The following MUC5B variants were observed in gnomAD, a reference collection of about 807,000 sequenced individuals.
MUC5B encodes the protein mucin-5B.
Under a neutral mutation model 376.9 loss-of-function variants are expected in MUC5B, and 116 were observed. The ratio of observed to expected loss-of-function variants is 0.31; its 90% confidence interval spans 0.26 to 0.36. MUC5B has a LOEUF of 0.36. Ranked by LOEUF, MUC5B falls within the 10% of genes least tolerant of loss-of-function variation. The pLI is 1.00. For synonymous variants in MUC5B, 3,517 were observed against 3,390.9 expected, an observed-to-expected ratio of 1.04 and a Z score of -1.29; for missense variants, 7,165 against 7,769.9, an observed-to-expected ratio of 0.92 and a Z score of 2.93.
intron 19 of MUC5B, 99 bp downstream of exon 19, chr11:1,233,947 C>T (rs1862098599): frequency 1.6e-6 from 2 of 1,271,530 alleles, no homozygotes; most frequent in South Asian, 1.3e-5. Context: ...CCACCTGAAC[C>T]CTGCCGGGCC....
At position 1,244,264 on chromosome 11, in the gene MUC5B, A is replaced by C; in HGVS notation, c.7384A>C (p.Thr2462Pro). The C allele has an allele frequency of 5.0e-6, 8 of 1,606,712 alleles. No individual in the cohort carries two copies. The highest frequency in any genetic ancestry group is 2.7e-5 in the African/African-American group (2 of 73,552). The change falls in exon 31 of 49, where the codon ACC (threonine) becomes CCC (proline). Residue 2462 changes from threonine (T) to proline (P), a missense_variant. Physicochemically the swap from Thr to Pro is conservative, Grantham distance 38. Transcript: ENST00000529681. Reference sequence around the variant, plus strand: ...CACCCCGTCCTCCACCCCAGGGACCACCTGGATCCTCACAGAGCCGAGCAC... The same window carrying C: ...CACCCCGTCCTCCACCCCAGGGACCCCCTGGATCCTCACAGAGCCGAGCAC... The part of the protein sequence containing the change: ...TATPSSTPGT[T>P]WILTEPSTTA...
At position 1,240,351 on chromosome 11, in the gene MUC5B, G is replaced by A. The variant is rs1427095732; in HGVS notation, c.3946G>A (p.Ala1316Thr). 12 of 1,603,864 alleles carry A rather than the reference G, an allele frequency of 7.5e-6. No individual in the cohort carries two copies. Among genetic ancestry groups the A allele is most frequent in the East Asian group, 2.2e-5 (1 of 44,644 alleles). The change falls in exon 30 of 49, where the codon GCC becomes ACC. Residue 1316 changes from alanine (A) to threonine (T), a missense_variant. By Grantham distance (58) the Ala-to-Thr change is moderately conservative. Coordinates refer to ENST00000529681, the MANE Select transcript of MUC5B (RefSeq NM_002458.3). Reference sequence around the variant, plus strand: ...CACAACGCCATTCACCTTCACCACCGCCTGGGTCCCCCACTCCACGACAAG... The same window carrying A: ...CACAACGCCATTCACCTTCACCACCACCTGGGTCCCCCACTCCACGACAAG... ...PATTPFTFTT[A>T]WVPHSTTSPA...
At chr11:1,233,321 C>T in intron 18 of MUC5B, 53 bp downstream of exon 18, 1 of 1,457,028 alleles carries the variant, frequency 6.9e-7, no homozygotes, top group Non-Finnish European at 9.0e-7. Flanking sequence ...GAGCCACTTC[C>T]CGCCCTCCCC....
rs1307335173 is a variant in MUC5B at position 1,255,174 on chromosome 11, AC to A, written c.15804del (p.Thr5269LeufsTer25). The A allele has an allele frequency of 3.2e-6, 5 of 1,554,218 alleles. No individual in the cohort carries two copies. Among genetic ancestry groups the A allele is most frequent in the Non-Finnish European group, 3.5e-6 (4 of 1,149,680 alleles). The part of the protein sequence containing the change: ...KDGCWAPTGT[P>X]PTASPAAPVS... Reference sequence around the variant, plus strand: ...ATGGCTGCTGGGCCCCGACTGGCACACCCCCCACTGCCAGCCCCGCAGCCCC... The same window carrying A: ...ATGGCTGCTGGGCCCCGACTGGCACACCCCCACTGCCAGCCCCGCAGCCCC... On this transcript the variant is annotated frameshift_variant, in exon 36 of 49. Transcript: ENST00000529681. LOFTEE classifies it high-confidence loss of function.
Position 1,261,691 on chromosome 11 carries a change from C to T in MUC5B, c.*83C>T. On this transcript the variant is annotated 3_prime_UTR_variant, in exon 49 of 49. Transcript: ENST00000529681. ...TGATCATGAAAACCTTGGGCCTCCT[C>T]TGCGGAGCCCCCCGGCCTGTGTGTG... 7.4e-7 allele frequency: 1 copy of T among 1,354,714 alleles called. No homozygotes were observed. The highest frequency in any genetic ancestry group is 1.0e-6 in the Non-Finnish European group (1 of 977,484). 83.9% of individuals were successfully genotyped at this position (1,354,714 alleles called of 1,614,324 possible). A position where few individuals can be genotyped will look rare whatever the true frequency, so the allele number is the denominator to read the frequency against.
rs570567312 is a variant in MUC5B, at chr11:1,254,756, G to A, written c.15540G>A (p.Val5180=). 54 of 1,612,946 alleles carry A rather than the reference G, an allele frequency of 3.3e-5. No homozygotes were observed. In the South Asian group the frequency reaches 5.1e-4, roughly 15 times the overall value. The change falls in exon 35 of 49, where the codon GTG becomes GTA. Residue 5180 remains valine (V), a synonymous_variant. Coordinates refer to ENST00000529681, the MANE Select transcript of MUC5B (RefSeq NM_002458.3). ...GCAAGAACGGCGTGCTTGTGTCTGT[G>A]CTGGGGACCACCACCATGCGTGTGG... The part of the protein sequence containing the change: ...GFSKNGVLVS[V]LGTTTMRVDI...
intron 39 of MUC5B, 94 bp downstream of exon 39, chr11:1,256,865 C>G: frequency 7.0e-6 from 7 of 997,642 alleles, no homozygotes; most frequent in Non-Finnish European, 1.0e-5. Context: ...ATGTGCTCTC[C>G]CCTCTCCCCA....
Position 1,258,122 on chromosome 11 carries a change from C to G in MUC5B, c.16474C>G (p.Gln5492Glu), listed in dbSNP as rs1266566797. ...AGTGTGCAACACAACCACCTGCCCC[C>G]AGAGCCTGCCTGTGTGCCCGCCAGG... ...VCVCNTTTCP[Q>E]SLPVCPPGQE... The change falls in exon 42 of 49, where the codon CAG becomes GAG. Residue 5492 changes from glutamine to glutamate, a missense_variant. Gln to Glu is a conservative substitution (Grantham distance 29). This residue lies in a region of MUC5B where 842 missense variants were observed against 1,016.9 expected (regional missense o/e 0.83). Coordinates refer to ENST00000529681, the MANE Select transcript of MUC5B (RefSeq NM_002458.3). This position sits in a 1 kb window ranked among gnomAD's most constrained non-coding sequence, Gnocchi z 5.5. 2.5e-6 allele frequency: 4 copies of G among 1,593,642 alleles called. No homozygotes were observed. The highest frequency in any genetic ancestry group is 3.4e-6 in the Non-Finnish European group (4 of 1,172,520).
chr11:1,256,271 C>G, intron 38 of MUC5B, 46 bp downstream of exon 38: 3 of 714,558 alleles, frequency 4.2e-6, no homozygotes, highest in Non-Finnish European at 7.8e-6. Context: ...CCAGGCCTGC[C>G]TGACCGGTCT....
At chr11:1,259,546 G>A in intron 44 of MUC5B, 3 of 600,048 alleles carry the variant, frequency 5.0e-6, no homozygotes, top group Non-Finnish European at 5.9e-6. Flanking sequence ...CAGGTTCCAG[G>A]AAGGCAGGGG....
Position 1,260,326 on chromosome 11 carries a change from G to A in MUC5B, c.16924-25G>A, listed in dbSNP as rs749364646. ...CCAGGGAGGCCCCGCCCACAGCCCT[G>A]CCCCCTGTCTTTGGCCCCCACCAGG... is the stretch of plus-strand genomic sequence containing the variant. On this transcript the variant is annotated intron_variant, in intron 46 of 48. Transcript: ENST00000529681. 9.3e-6 allele frequency: 15 copies of A among 1,611,012 alleles called. No homozygotes were observed. The South Asian group carries it at 1.5e-4, about 17-fold the overall frequency.
In MUC5B at chr11:1,253,017, C is replaced by A; in HGVS notation, c.15217+37C>A. The A allele has an allele frequency of 1.2e-6, 2 of 1,609,846 alleles. No individual in the cohort carries two copies. Among genetic ancestry groups the A allele is most frequent in the Non-Finnish European group, 1.7e-6 (2 of 1,178,844 alleles). On this transcript the variant is annotated intron_variant, in intron 33 of 48. Coordinates refer to ENST00000529681, the MANE Select transcript of MUC5B (RefSeq NM_002458.3). This position sits in a 1 kb window ranked among gnomAD's most constrained non-coding sequence, Gnocchi z 4.3. ...GGTGGCCGCGGGATTACCCCGGGGG[C>A]AGGTGGAGCAGAGTGCACCGTCGGC... is the stretch of plus-strand genomic sequence containing the variant.
Position 1,234,161 on chromosome 11 carries a change from G to A in MUC5B, c.2378-44G>A. 1 of 1,491,922 alleles carries A rather than the reference G, an allele frequency of 6.7e-7. No individual in the cohort carries two copies. Among genetic ancestry groups the A allele is most frequent in the Non-Finnish European group, 9.2e-7 (1 of 1,090,892 alleles). 92.4% of individuals were successfully genotyped at this position (1,491,922 alleles called of 1,614,324 possible). ...CTGCCTGGGGTCAGTTGAGGGCCGT[G>A]GCTGCCCTTCCCCAGGACCCCTCCC... On this transcript the variant is annotated intron_variant, in intron 19 of 48. Transcript: ENST00000529681. This position sits in a 1 kb window ranked among gnomAD's most constrained non-coding sequence, Gnocchi z 6.3.
intron 23 of MUC5B, 138 bp downstream of exon 23, chr11:1,235,551 C>T (rs1862138495): frequency 2.7e-6 from 2 of 731,458 alleles, no homozygotes; most frequent in Non-Finnish European, 4.7e-6. Context: ...CAAGCAGCCA[C>T]AAACCAGGGG....
intron 47 of MUC5B, 24 bp from the exon 48 acceptor site, chr11:1,260,602 C>T: frequency 6.3e-7 from 1 of 1,597,272 alleles, no homozygotes; most frequent in Non-Finnish European, 8.6e-7. Flanking sequence ...AGTGGGGCTC[C>T]ACATCTGCCT....
At chr11:1,224,112 C>A (rs1283261842) in intron 1 of MUC5B, among the ~76,000 whole-genome samples, 2 of 152,222 alleles carry the variant, frequency 1.3e-5, no homozygotes, top group East Asian at 1.9e-4. Context: ...AGAATAGCCA[C>A]CTCCTTGCAT....
At position 1,247,394 on chromosome 11, in the gene MUC5B, C is replaced by G. The variant is rs770725338; in HGVS notation, c.10514C>G (p.Ser3505Trp). ...GCAACCACCAGTACCACCCAGCACT[C>G]GACTCCAGCCCTGTCCAGCCCTCAC... is the stretch of plus-strand genomic sequence containing the variant. The part of the protein sequence containing the change: ...PAATTSTTQH[S>W]TPALSSPHPS... Residue 3505 changes from serine (S) to tryptophan (W), a missense_variant, in exon 31 of 49, where the codon TCG becomes TGG. Ser to Trp is a radical substitution (Grantham distance 177). Coordinates refer to ENST00000529681, the MANE Select transcript of MUC5B (RefSeq NM_002458.3). 1.2e-6 allele frequency: 2 copies of G among 1,609,922 alleles called. No individual in the cohort carries two copies. The highest frequency in any genetic ancestry group is 1.3e-5 in the African/African-American group (1 of 74,484).
chr11:1,245,963 C>T lies in MUC5B; in HGVS notation c.9083C>T (p.Thr3028Met), dbSNP rs2943492. Residue 3028 changes from threonine (T) to methionine (M), a missense_variant, in exon 31 of 49, where the codon ACG becomes ATG. Thr to Met is a moderately conservative substitution (Grantham distance 81). This residue lies in a region of MUC5B where 939 missense variants were observed against 770.6 expected (regional missense o/e 1.22). Transcript: ENST00000529681. ...TAPPPKVLTSTATTPTATSSK... is the reference protein window; with the variant it reads ...TAPPPKVLTSMATTPTATSSK... ...CCCCCTCCCAAAGTGCTGACCAGCA[C>T]GGCCACCACACCCACAGCCACCAGT... The T allele has an allele frequency of 5.8e-5, 93 of 1,613,270 alleles. No individual in the cohort carries two copies. The East Asian group carries it at 6.0e-4, about 10-fold the overall frequency.
chr11:1,255,316 C>T (rs544796895), intron 36 of MUC5B, 50 bp downstream of exon 36: 26 of 1,514,816 alleles, frequency 1.7e-5, no homozygotes, highest in Admixed American at 1.2e-4. Flanking sequence ...CCCGCCCGCC[C>T]GCATGCACGC....
Sources: gnomAD v4.1 joint callset for allele counts (sites outside exome capture counted in the v4.1 genomes callset) on GRCh38, gnomAD v4.1.1 for gene constraint, gnomAD v4.1.1 regional missense constraint, Gnocchi (gnomAD v3.1) non-coding constraint, MANE v1.5 for transcripts, NCBI Gene and HGNC (gene_info 2026-07-23, HGNC 2026-07-21) for gene names.